SBF2: variants seen among roughly 807,000 people sequenced by gnomAD.
SBF2 encodes myotubularin-related protein 13.
A neutral mutation model predicts 225.2 loss-of-function variants in SBF2; 112 were observed. That is an observed-to-expected ratio of 0.50 (90% confidence interval 0.43 to 0.58). SBF2 has a LOEUF of 0.58. Ranked by LOEUF, SBF2 falls within the 20% of genes least tolerant of loss-of-function variation. The pLI is 0.00. For synonymous variants in SBF2, 763 were observed against 773.3 expected, an observed-to-expected ratio of 0.99 and a Z score of 0.22; for missense variants, 1,996 against 2,206.2, an observed-to-expected ratio of 0.90 and a Z score of 1.91.
intron 1 of SBF2, among the ~76,000 whole-genome samples, chr11:10,221,281 C>T (rs1469602135): frequency 1.3e-5 from 2 of 152,084 alleles, no homozygotes; most frequent in Non-Finnish European, 2.9e-5. Context: ...TCACGCCCAG[C>T]TAATTTTTGT....
chr11:10,104,069 A>G (rs1952440585), intron 2 of SBF2, among the ~76,000 whole-genome samples: 2 of 151,656 alleles, frequency 1.3e-5, no homozygotes, highest in South Asian at 2.1e-4. Flanking sequence ...CTGGGGCAAA[A>G]GAGTGAGACC....
intron 2 of SBF2, among the ~76,000 whole-genome samples, chr11:10,136,006 A>C (rs1954331343): frequency 6.6e-6 from 1 of 152,188 alleles, no homozygotes; most frequent in Non-Finnish European, 1.5e-5. Flanking sequence ...TACAAAAGAA[A>C]GGCGTTTAAT....
intron 2 of SBF2, among the ~76,000 whole-genome samples, chr11:10,096,542 A>C (rs1159471843): frequency 6.6e-6 from 1 of 152,130 alleles, no homozygotes; most frequent in Non-Finnish European, 1.5e-5. Flanking sequence ...CAAGGCATTA[A>C]CAATATTGTT....
At chr11:10,301,433 C>G (rs764832948) in intron 1 of SBF2, among the ~76,000 whole-genome samples, 4 of 152,130 alleles carry the variant, frequency 2.6e-5, no homozygotes, top group African/African-American at 4.8e-5. Context: ...TGTGTTCTTT[C>G]TCTAAATCAC....
intron 2 of SBF2, among the ~76,000 whole-genome samples, chr11:10,149,981 T>G (rs1358438071): frequency 1.3e-5 from 2 of 152,144 alleles, no homozygotes; most frequent in Non-Finnish European, 2.9e-5. Flanking sequence ...ATTATTTTCA[T>G]CCACATTCTA....
At chr11:10,102,517 T>G (rs1266018415) in intron 2 of SBF2, among the ~76,000 whole-genome samples, 1 of 152,198 alleles carries the variant, frequency 6.6e-6, no homozygotes, top group Non-Finnish European at 1.5e-5. Context: ...CATGGGGATA[T>G]GGTTTTCGTG....
In SBF2 at chr11:10,093,915, C is replaced by T. The variant is rs139322405; in HGVS notation, c.142-50934G>A. 3.3e-5 allele frequency among the ~76,000 whole-genome samples: 5 copies of T among 152,138 alleles called. No homozygotes were observed. In the East Asian group the frequency reaches 9.6e-4, roughly 29 times the overall value. The stretch of plus-strand genomic sequence containing the variant: ...TAGACACAATAAAGTTTAGACAATC[C>T]CATTCAGTAATGGTAAGGTGGCATA... On this transcript the variant is annotated intron_variant, in intron 2 of 39. Coordinates refer to ENST00000256190, the MANE Select transcript of SBF2 (RefSeq NM_030962.4).
chr11:10,255,753 A>G (rs1441315302), intron 1 of SBF2, among the ~76,000 whole-genome samples: 3 of 152,232 alleles, frequency 2.0e-5, no homozygotes, highest in African/African-American at 7.2e-5. Flanking sequence ...CAGTGTGACT[A>G]ATTCAAATTA....
chr11:9,839,478 G>A lies in SBF2; in HGVS notation c.3455+20C>T, dbSNP rs760955204. 5 of 1,610,864 alleles carry A rather than the reference G, an allele frequency of 3.1e-6. No individual in the cohort carries two copies. Among genetic ancestry groups the A allele is most frequent in the Non-Finnish European group, 4.2e-6 (5 of 1,177,114 alleles). ...AGAAAGGAAGGAAGACCTCTTTTTGGAGCCCACTGACACACTTACCTCCGG... is the reference window on the plus strand; with the variant it reads ...AGAAAGGAAGGAAGACCTCTTTTTGAAGCCCACTGACACACTTACCTCCGG... On this transcript the variant is annotated intron_variant, in intron 26 of 39. Transcript: ENST00000256190.
chr11:9,930,851 G>T (rs1307357690), intron 16 of SBF2, among the ~76,000 whole-genome samples: 1 of 152,220 alleles, frequency 6.6e-6, no homozygotes, highest in Non-Finnish European at 1.5e-5. Context: ...CCAGCAAAGG[G>T]AAGCCATGAC....
chr11:10,074,714 A>G (rs1321574897), intron 2 of SBF2, among the ~76,000 whole-genome samples: 1 of 152,192 alleles, frequency 6.6e-6, no homozygotes, highest in Non-Finnish European at 1.5e-5. Flanking sequence ...GAAAATGTGT[A>G]CATTAGATTC....
chr11:9,963,432 T>G (rs1178288492), intron 15 of SBF2, among the ~76,000 whole-genome samples: 1 of 151,948 alleles, frequency 6.6e-6, no homozygotes, highest in East Asian at 1.9e-4. Context: ...GTCACTGTAC[T>G]CCAGCCTGGG....
chr11:9,953,834 T>A (rs1054506682), intron 16 of SBF2, among the ~76,000 whole-genome samples: 1 of 152,204 alleles, frequency 6.6e-6, no homozygotes, highest in African/African-American at 2.4e-5. Flanking sequence ...TGAGATCTAT[T>A]TCTATGTTAG....
At chr11:10,264,819 G>A (rs937753082) in intron 1 of SBF2, among the ~76,000 whole-genome samples, 2 of 151,132 alleles carry the variant, frequency 1.3e-5, no homozygotes, top group Admixed American at 6.6e-5. Context: ...CCACTTATGA[G>A]TGAGAACATG....
intron 2 of SBF2, among the ~76,000 whole-genome samples, chr11:10,140,437 G>A (rs558518399): frequency 4.6e-5 from 7 of 152,278 alleles, no homozygotes; most frequent in Admixed American, 3.3e-4. Context: ...CAAAGGACGA[G>A]GTTTCAAGAG....
chr11:9,824,268 G>C (rs1854937609), intron 28 of SBF2, among the ~76,000 whole-genome samples: 1 of 152,080 alleles, frequency 6.6e-6, no homozygotes, highest in African/African-American at 2.4e-5. Context: ...AGTTGAAAAA[G>C]ATTGTTAAGG....
intron 1 of SBF2, among the ~76,000 whole-genome samples, chr11:10,196,866 A>ATATATATATATATATTTTTTTTTTTTT: frequency 1.0e-5 from 1 of 99,312 alleles, no homozygotes; most frequent in African/African-American, 4.0e-5. Flanking sequence ...ATATATATAT[A>ATATATATATATATATTTTTTTTTTTTT]TTTTTTTTTT....
chr11:10,177,544 A>G (rs1342401115), intron 2 of SBF2, among the ~76,000 whole-genome samples: 1 of 149,278 alleles, frequency 6.7e-6, no homozygotes, highest in African/African-American at 2.5e-5. Context: ...CTTATACACC[A>G]ACAACAGACA....
rs1233171945 is a variant in SBF2, at chr11:9,969,181, C to T, written c.1396-636G>A. The stretch of plus-strand genomic sequence containing the variant: ...TTAGAGTTATCTTTAATGCCATTCT[C>T]TAACACCCAACTATCCATTCCTCTG... On this transcript the variant is annotated intron_variant, in intron 13 of 39. Transcript: ENST00000256190. 3.3e-5 allele frequency among the ~76,000 whole-genome samples: 5 copies of T among 152,314 alleles called. No homozygotes were observed. In the East Asian group the frequency reaches 9.6e-4, roughly 29 times the overall value.
Sources: allele counts gnomAD v4.1 joint callset (sites outside exome capture counted in the v4.1 genomes callset), GRCh38; gene constraint gnomAD v4.1.1; transcripts MANE v1.5; gene names NCBI Gene and HGNC (gene_info 2026-07-23, HGNC 2026-07-21).